The following KCNQ3 variants were observed in gnomAD, a reference collection of about 807,000 sequenced individuals.
The protein encoded by KCNQ3 is potassium voltage-gated channel subfamily Q member 3, also known as potassium voltage-gated channel subfamily KQT member 3.
KCNQ3 carries 30 observed loss-of-function variants against 92.5 expected under a neutral mutation model. The observed-to-expected ratio is 0.32, with a 90% CI of 0.24 to 0.44. The LOEUF is 0.44. KCNQ3 is among the 20% of genes least tolerant of loss of function. KCNQ3 has a pLI of 1.00. For missense variants in KCNQ3, 913 were observed against 1,140.3 expected (o/e 0.80, Z 2.87); for synonymous variants, 450 against 468.8 (o/e 0.96, Z 0.52).
chr8:132,480,528 C>T lies in KCNQ3; in HGVS notation c.5G>A (p.Gly2Glu). 8.1e-7 allele frequency: 1 copy of T among 1,240,242 alleles called. No homozygotes were observed. The highest frequency in any genetic ancestry group is 1.7e-5 in the South Asian group (1 of 58,124). The allele number at this position is 1,240,242 out of a possible 1,614,324, so 76.8% of individuals were successfully genotyped here. Reference sequence around the variant, plus strand: ...CCCCGCCGCCCTGCGCGCCTTGAGCCCCATCTGCCTCGCCCCCGCCGGCCG... The same window carrying T: ...CCCCGCCGCCCTGCGCGCCTTGAGCTCCATCTGCCTCGCCCCCGCCGGCCG... Reference protein sequence around the residue: MGLKARRAAGAA... With the variant: MELKARRAAGAA... Residue 2 changes from glycine (G) to glutamate (E), a missense_variant, in exon 1 of 15, where the codon GGG becomes GAG. Transcript: ENST00000388996.
intron 1 of KCNQ3, among the ~76,000 whole-genome samples, chr8:132,404,803 A>G (rs769249017): frequency 1.3e-5 from 2 of 152,216 alleles, no homozygotes; most frequent in Non-Finnish European, 2.9e-5. Flanking sequence ...GTCATCAAGC[A>G]CTTTATATAA....
At chr8:132,290,870 G>A (rs567777676) in intron 1 of KCNQ3, among the ~76,000 whole-genome samples, 1 of 152,260 alleles carries the variant, frequency 6.6e-6, no homozygotes, top group African/African-American at 2.4e-5. Flanking sequence ...TCCTGCAGAT[G>A]GGTGAGATTT....
Position 132,290,797 on chromosome 8 carries a change from G to A in KCNQ3, c.387-104616C>T, listed in dbSNP as rs142498157. 3.9e-3 allele frequency among the ~76,000 whole-genome samples: 601 copies of A among 152,282 alleles called. 5 individuals carry two copies. Among genetic ancestry groups the A allele is most frequent in the Non-Finnish European group, 6.7e-3 (454 of 68,026 alleles). On this transcript the variant is annotated intron_variant, in intron 1 of 14. Transcript: ENST00000388996. ...AAACAGCAATAACAATAAGGCAAGT[G>A]GATATTCAGGCAGGGAGCAGACACA...
chr8:132,232,108 C>T (rs1220497967), intron 1 of KCNQ3, among the ~76,000 whole-genome samples: 2 of 152,192 alleles, frequency 1.3e-5, no homozygotes, highest in Non-Finnish European at 2.9e-5. Context: ...CAAATGACTC[C>T]TCTGAATATG....
intron 1 of KCNQ3, among the ~76,000 whole-genome samples, chr8:132,379,495 A>C (rs567668558): frequency 1.3e-5 from 2 of 152,174 alleles, no homozygotes; most frequent in Non-Finnish European, 2.9e-5. Context: ...TGTACATAAC[A>C]TGCACAGCTA....
At chr8:132,291,349 G>T (rs1563843511) in intron 1 of KCNQ3, among the ~76,000 whole-genome samples, 1 of 152,122 alleles carries the variant, frequency 6.6e-6, no homozygotes, top group Admixed American at 6.5e-5. Flanking sequence ...ACCAATAAAA[G>T]TGATTTTCTA....
At chr8:132,318,606 C>T (rs1817807996) in intron 1 of KCNQ3, among the ~76,000 whole-genome samples, 1 of 152,192 alleles carries the variant, frequency 6.6e-6, no homozygotes, top group Admixed American at 6.5e-5. Flanking sequence ...GGTGTTGCAG[C>T]TCGCTTGTCA....
chr8:132,408,841 C>T (rs184863181), intron 1 of KCNQ3, among the ~76,000 whole-genome samples: 3 of 152,250 alleles, frequency 2.0e-5, no homozygotes, highest in Admixed American at 6.5e-5. Flanking sequence ...AACAAGGCCT[C>T]GGTCCTACAA....
intron 1 of KCNQ3, among the ~76,000 whole-genome samples, chr8:132,197,698 T>C (rs1453886149): frequency 6.6e-6 from 1 of 152,230 alleles, no homozygotes; most frequent in African/African-American, 2.4e-5. Flanking sequence ...ATTTGTGGCG[T>C]GTATTCTATG....
chr8:132,164,933 G>C (rs774285930), intron 8 of KCNQ3, among the ~76,000 whole-genome samples: 1 of 151,984 alleles, frequency 6.6e-6, no homozygotes, highest in East Asian at 1.9e-4. Flanking sequence ...TCCACTCACC[G>C]GACTTCTGTT....
Position 132,129,729 on chromosome 8 carries a change from C to G in KCNQ3, c.2152G>C (p.Val718Leu). ...SPYGFFAHDP[V>L]NLPRGGPSSG... ...CTGGGTCCCCCTCGGGGCAGGTTCA[C>G]AGGGTCATGTGCAAAAAACCCATAG... Residue 718 changes from valine (V) to leucine (L), a missense_variant, in exon 15 of 15, where the codon GTG becomes CTG. Coordinates refer to ENST00000388996, the MANE Select transcript of KCNQ3 (RefSeq NM_004519.4). The surrounding 1 kb of genome is among the most constrained non-coding windows in gnomAD (Gnocchi z 5.9). 6.2e-7 allele frequency: 1 copy of G among 1,614,162 alleles called. No individual in the cohort carries two copies. The highest frequency in any genetic ancestry group is 8.5e-7 in the Non-Finnish European group (1 of 1,180,036).
intron 1 of KCNQ3, among the ~76,000 whole-genome samples, chr8:132,288,967 G>A (rs1396112184): frequency 6.6e-6 from 1 of 152,210 alleles, no homozygotes; most frequent in Non-Finnish European, 1.5e-5. Context: ...TATACTACAT[G>A]TGATACAAGT....
At chr8:132,406,564 GAC>G (rs965962153) in intron 1 of KCNQ3, among the ~76,000 whole-genome samples, 7 of 150,968 alleles carry the variant, frequency 4.6e-5, no homozygotes, top group Non-Finnish European at 8.9e-5. Flanking sequence ...CTCACACACA[GAC>G]ACACACACAC....
intron 1 of KCNQ3, among the ~76,000 whole-genome samples, chr8:132,245,613 A>T (rs2130422642): frequency 6.6e-6 from 1 of 152,250 alleles, no homozygotes; most frequent in Non-Finnish European, 1.5e-5. Context: ...CCACTACTCA[A>T]CTTCCAGGTT....
At chr8:132,243,211 G>A (rs1361085862) in intron 1 of KCNQ3, among the ~76,000 whole-genome samples, 2 of 152,222 alleles carry the variant, frequency 1.3e-5, no homozygotes, top group African/African-American at 4.8e-5. Context: ...TGAGCAACTG[G>A]AGGCTTACAA....
intron 1 of KCNQ3, among the ~76,000 whole-genome samples, chr8:132,462,561 A>G (rs1822086706): frequency 6.6e-6 from 1 of 152,240 alleles, no homozygotes; most frequent in Non-Finnish European, 1.5e-5. Context: ...AAATGACAAG[A>G]AAATCAACAG....
chr8:132,464,128 T>C (rs1822120793), intron 1 of KCNQ3, among the ~76,000 whole-genome samples: 1 of 152,192 alleles, frequency 6.6e-6, no homozygotes, highest in Non-Finnish European at 1.5e-5. Context: ...ATTAGCAGAA[T>C]TGGAAAAGAA....
At chr8:132,373,074 G>GCTCA (rs10679348) in intron 1 of KCNQ3, among the ~76,000 whole-genome samples, 1,986 of 152,202 alleles carry the variant, frequency 0.013, 44 homozygotes, top group African/African-American at 0.046. Context: ...GGACCACCAG[G>GCTCA]CTCATCCCAT....
intron 1 of KCNQ3, among the ~76,000 whole-genome samples, chr8:132,435,386 C>T (rs756401671): frequency 1.4e-4 from 21 of 152,226 alleles, no homozygotes; most frequent in East Asian, 1.9e-4. Context: ...CAGCCAGAGG[C>T]GGGGAGGGAT....
Sources: allele counts gnomAD v4.1 joint callset (sites outside exome capture counted in the v4.1 genomes callset), GRCh38; gene constraint gnomAD v4.1.1; non-coding constraint Gnocchi (gnomAD v3.1); transcripts MANE v1.5; gene names NCBI Gene and HGNC (gene_info 2026-07-23, HGNC 2026-07-21).